TNFSF13B: variants seen among roughly 807,000 people sequenced by gnomAD.
TNFSF13B encodes the protein tumor necrosis factor ligand superfamily member 13B.
A neutral mutation model predicts 29.1 loss-of-function variants in TNFSF13B; 8 were observed. The observed-to-expected ratio is 0.27, with a 90% CI of 0.16 to 0.50. TNFSF13B has a LOEUF of 0.50. Among genes scored for constraint, TNFSF13B ranks in the 20% least tolerant of loss-of-function variants. TNFSF13B has a pLI of 0.98. For synonymous variants in TNFSF13B, 125 were observed against 130.8 expected, an observed-to-expected ratio of 0.96 and a Z score of 0.30; for missense variants, 248 against 334.9, an observed-to-expected ratio of 0.74 and a Z score of 2.03.
chr13:108,294,550 AT>A (rs137949712), intron 3 of TNFSF13B, among the ~76,000 whole-genome samples: 3,450 of 150,040 alleles, frequency 0.023, 51 homozygotes, highest in Middle Eastern at 0.038. Context: ...TTGCATTTGG[AT>A]TTTTTTTTTA....
chr13:108,298,200 A>G (rs1881508342), intron 3 of TNFSF13B, among the ~76,000 whole-genome samples: 2 of 145,276 alleles, frequency 1.4e-5, no homozygotes, highest in African/African-American at 5.2e-5. Context: ...ATGGGAGAGT[A>G]TCTGTAGGGA....
chr13:108,299,859 G>T (rs1594533285), intron 3 of TNFSF13B, among the ~76,000 whole-genome samples: 1 of 152,022 alleles, frequency 6.6e-6, no homozygotes, highest in Non-Finnish European at 1.5e-5. Context: ...TAAGATTATT[G>T]CCAGAAAGAG....
intron 3 of TNFSF13B, among the ~76,000 whole-genome samples, chr13:108,300,774 C>A (rs1279290362): frequency 6.6e-6 from 1 of 152,136 alleles, no homozygotes; most frequent in Non-Finnish European, 1.5e-5. Flanking sequence ...AAGGCACATT[C>A]ACCCTTGGTG....
chr13:108,271,243 A>G (rs1880604821), intron 2 of TNFSF13B, among the ~76,000 whole-genome samples: 1 of 152,168 alleles, frequency 6.6e-6, no homozygotes, highest in Admixed American at 6.5e-5. Flanking sequence ...TATTAAATAT[A>G]TTGAAAGAAT....
intron 2 of TNFSF13B, among the ~76,000 whole-genome samples, chr13:108,282,507 C>G (rs1400781208): frequency 6.6e-6 from 1 of 151,922 alleles, no homozygotes; most frequent in Admixed American, 6.6e-5. Context: ...AAAATGTTTC[C>G]CATATGGTTA....
chr13:108,307,911 G>C lies in TNFSF13B; in HGVS notation c.*973G>C, dbSNP rs1264328192. The C allele has an allele frequency of 6.6e-6, 1 of 151,956 alleles. No homozygotes were observed. Among genetic ancestry groups the C allele is most frequent in the African/African-American group, 2.4e-5 (1 of 41,404 alleles). 9.4% of individuals were successfully genotyped at this position (151,956 alleles called of 1,614,324 possible). On this transcript the variant is annotated 3_prime_UTR_variant, in exon 6 of 6. Transcript: ENST00000375887. The stretch of plus-strand genomic sequence containing the variant: ...TTTATATTCACTTTATAGAAGTTGA[G>C]TTTTAATTAAAATTCTTGGCATCCT...
chr13:108,286,065 C>T (rs1881119516), intron 2 of TNFSF13B, among the ~76,000 whole-genome samples: 1 of 152,202 alleles, frequency 6.6e-6, no homozygotes, highest in African/African-American at 2.4e-5. Context: ...TAACTATATG[C>T]ACTTGCATGG....
intron 2 of TNFSF13B, among the ~76,000 whole-genome samples, chr13:108,274,370 TATATATATATAC>T (rs1244305891): frequency 7.3e-6 from 1 of 137,580 alleles, no homozygotes; most frequent in African/African-American, 3.0e-5. Flanking sequence ...CATACAAATA[TATATATATATAC>T]ATATATATAC....
At chr13:108,297,990 C>A (rs1276531340) in intron 3 of TNFSF13B, among the ~76,000 whole-genome samples, 1 of 146,328 alleles carries the variant, frequency 6.8e-6, no homozygotes, top group African/African-American at 2.6e-5. Flanking sequence ...CACTGCTTAT[C>A]CCCTGGAAAT....
intron 2 of TNFSF13B, among the ~76,000 whole-genome samples, chr13:108,284,931 C>T (rs964786487): frequency 6.6e-6 from 1 of 152,218 alleles, no homozygotes; most frequent in Non-Finnish European, 1.5e-5. Context: ...TTATTCCTTT[C>T]TTTCATGCTG....
chr13:108,272,173 T>C (rs1321666696), intron 2 of TNFSF13B, among the ~76,000 whole-genome samples: 1 of 152,152 alleles, frequency 6.6e-6, no homozygotes. Flanking sequence ...GAATAAACTT[T>C]CTGCATATTT....
chr13:108,299,882 C>T (rs1466853996), intron 3 of TNFSF13B, among the ~76,000 whole-genome samples: 1 of 151,970 alleles, frequency 6.6e-6, no homozygotes, highest in African/African-American at 2.4e-5. Context: ...GATAAAATGC[C>T]TAAATAAAAT....
rs1011703318 is a variant in TNFSF13B at position 108,297,537 on chromosome 13, C to T, written c.482-5716C>T. Among the ~76,000 whole-genome samples the T allele has an allele frequency of 8.9e-5, 13 of 145,436 alleles. 2 individuals are homozygous for T. The highest frequency in any genetic ancestry group is 1.7e-4 in the Non-Finnish European group (11 of 65,480). On this transcript the variant is annotated intron_variant, in intron 3 of 5. Coordinates refer to ENST00000375887, the MANE Select transcript of TNFSF13B (RefSeq NM_006573.5). ...ATTATTTCTCCAAATATTCTTTTTT[C>T]AAATTTTCTCTCTCTTCTCCTTCTG...
chr13:108,305,607 A>G (rs553652087), intron 5 of TNFSF13B, among the ~76,000 whole-genome samples: 1 of 152,276 alleles, frequency 6.6e-6, no homozygotes, highest in Admixed American at 6.5e-5. Context: ...CAATCTTTTT[A>G]TTCTTACTAC....
Position 108,277,100 on chromosome 13 carries a change from A to G in TNFSF13B, c.424+6676A>G, listed in dbSNP as rs550916152. ...GAAGAGGACAGCGAAGCTAACAATT[A>G]TCAGGCGTGTTTCATGTGCAAACAC... On this transcript the variant is annotated intron_variant, in intron 2 of 5. Transcript: ENST00000375887. 2.6e-5 allele frequency among the ~76,000 whole-genome samples: 4 copies of G among 152,346 alleles called. No homozygotes were observed. The South Asian group carries it at 8.3e-4, about 32-fold the overall frequency.
intron 2 of TNFSF13B, among the ~76,000 whole-genome samples, chr13:108,277,491 A>G (rs1278960480): frequency 6.6e-6 from 1 of 152,098 alleles, no homozygotes; most frequent in African/African-American, 2.4e-5. Context: ...GAGAAATGTT[A>G]CAGGAAAGGA....
In TNFSF13B at chr13:108,270,097, C is replaced by A. The variant is rs773542388; in HGVS notation, c.202C>A (p.Gln68Lys). 14 of 1,603,876 alleles carry A rather than the reference C, an allele frequency of 8.7e-6. No homozygotes were observed. The highest frequency in any genetic ancestry group is 1.1e-5 in the Non-Finnish European group (13 of 1,179,962). The change falls in exon 1 of 6, where the codon CAG becomes AAG. Residue 68 changes from glutamine to lysine, a missense_variant. Around this residue, in one of 2 missense-constraint regions of TNFSF13B, gnomAD observed 186 missense variants for 196.3 expected, o/e 0.95. Transcript: ENST00000375887. ...CTGCCTCACGGTGGTGTCTTTCTAC[C>A]AGGTGGCCGCCCTGCAAGGGGACCT... The part of the protein sequence containing the change: ...SCCLTVVSFY[Q>K]VAALQGDLAS...
Position 108,305,072 on chromosome 13 carries a change from T to C in TNFSF13B, c.745+1468T>C, listed in dbSNP as rs572980096. On this transcript the variant is annotated intron_variant, in intron 5 of 5. Coordinates refer to ENST00000375887, the MANE Select transcript of TNFSF13B (RefSeq NM_006573.5). ...CTTGCTGTTAGAGGACTCTGCTAGA[T>C]TTCTTAAGGTGTCTTACTTTTTAAG... 7.9e-5 allele frequency among the ~76,000 whole-genome samples: 12 copies of C among 152,300 alleles called. No homozygotes were observed. In the South Asian group the frequency reaches 2.5e-3, roughly 32 times the overall value.
At chr13:108,302,769 T>TC (rs751895515) in intron 3 of TNFSF13B, 45 of 975,968 alleles carry the variant, frequency 4.6e-5, no homozygotes, top group Non-Finnish European at 4.7e-5. Flanking sequence ...TCTTCTTTCT[T>TC]CCGTAGGCTC....
Sources: allele counts gnomAD v4.1 joint callset (sites outside exome capture counted in the v4.1 genomes callset), GRCh38; gene constraint gnomAD v4.1.1; regional missense constraint gnomAD v4.1.1; transcripts MANE v1.5; gene names NCBI Gene and HGNC (gene_info 2026-07-23, HGNC 2026-07-21).